The following SPAG16 variants were observed in gnomAD, a reference collection of about 807,000 sequenced individuals.
SPAG16 encodes sperm associated antigen 16.
Under a neutral mutation model 80.4 loss-of-function variants are expected in SPAG16, and 86 were observed. The observed-to-expected ratio is 1.07, with a 90% CI of 0.90 to 1.28. The LOEUF is 1.28. Ranked by LOEUF, SPAG16 falls within the 50% of genes most tolerant of loss-of-function variation. SPAG16 has a pLI of 0.00. For missense variants in SPAG16, 870 were observed against 765.3 expected (o/e 1.14, Z -1.61); for synonymous variants, 294 against 265.9 (o/e 1.11, Z -1.03).
At chr2:213,929,350 C>A (rs1037448350) in intron 11 of SPAG16, among the ~76,000 whole-genome samples, 20 of 151,990 alleles carry the variant, frequency 1.3e-4, no homozygotes, top group African/African-American at 4.6e-4. Context: ...GCTTTTGTGT[C>A]CACCACTTGG....
intron 15 of SPAG16, among the ~76,000 whole-genome samples, chr2:214,206,868 G>C (rs185547256): frequency 6.6e-6 from 1 of 152,042 alleles, no homozygotes; most frequent in African/African-American, 2.4e-5. Flanking sequence ...GTTTTGATTT[G>C]CATTTTTTGA....
At chr2:214,335,031 G>A (rs773420860) in intron 15 of SPAG16, among the ~76,000 whole-genome samples, 8 of 152,158 alleles carry the variant, frequency 5.3e-5, no homozygotes, top group Non-Finnish European at 1.0e-4. Context: ...AAGAACTGTC[G>A]GGAGTGAGAG....
At chr2:214,220,582 T>C (rs1367476571) in intron 15 of SPAG16, among the ~76,000 whole-genome samples, 1 of 152,128 alleles carries the variant, frequency 6.6e-6, no homozygotes, top group Non-Finnish European at 1.5e-5. Context: ...TGTGTTCTCA[T>C]AACACTTTGT....
chr2:214,037,996 T>A (rs1211547949), intron 13 of SPAG16, among the ~76,000 whole-genome samples: 3 of 151,832 alleles, frequency 2.0e-5, no homozygotes, highest in African/African-American at 7.3e-5. Flanking sequence ...ACTTTGTGAG[T>A]CAAATTGAAA....
intron 5 of SPAG16, among the ~76,000 whole-genome samples, chr2:213,325,641 T>C (rs920205061): frequency 3.2e-4 from 46 of 145,750 alleles, no homozygotes; most frequent in South Asian, 8.5e-4. Flanking sequence ...TGTGTGTGTG[T>C]GTGCATATCT....
intron 10 of SPAG16, among the ~76,000 whole-genome samples, chr2:213,720,814 C>T (rs1574936980): frequency 1.5e-5 from 2 of 134,604 alleles, no homozygotes; most frequent in African/African-American, 2.8e-5. Flanking sequence ...GGCACGATCT[C>T]GGCTCACTGC....
At chr2:214,046,552 A>G (rs940553026) in intron 13 of SPAG16, among the ~76,000 whole-genome samples, 11 of 152,346 alleles carry the variant, frequency 7.2e-5, no homozygotes, top group Non-Finnish European at 1.6e-4. Context: ...TAACATACAC[A>G]AATCAATCAA....
At chr2:213,725,863 A>T (rs1190888380) in intron 10 of SPAG16, among the ~76,000 whole-genome samples, 1 of 152,224 alleles carries the variant, frequency 6.6e-6, no homozygotes. Flanking sequence ...GGGAAGACAT[A>T]GCTGGCTGGG....
At chr2:214,292,732 G>T (rs11894925) in intron 15 of SPAG16, among the ~76,000 whole-genome samples, 2 of 152,116 alleles carry the variant, frequency 1.3e-5, no homozygotes, top group African/African-American at 4.8e-5. Context: ...GATGCTTCCT[G>T]TATCCTCACA....
At chr2:213,479,617 T>C (rs1480162028) in intron 9 of SPAG16, among the ~76,000 whole-genome samples, 1 of 152,134 alleles carries the variant, frequency 6.6e-6, no homozygotes, top group Non-Finnish European at 1.5e-5. Flanking sequence ...ACATTGGGCT[T>C]ACATTCCTAC....
At chr2:214,271,882 G>A (rs1212112900) in intron 15 of SPAG16, among the ~76,000 whole-genome samples, 1 of 149,842 alleles carries the variant, frequency 6.7e-6, no homozygotes, top group Non-Finnish European at 1.5e-5. Flanking sequence ...AGGAAGAATA[G>A]CAGGAGTCTG....
chr2:213,602,526 C>T (rs1361946579), intron 10 of SPAG16, among the ~76,000 whole-genome samples: 3 of 151,948 alleles, frequency 2.0e-5, no homozygotes, highest in Non-Finnish European at 2.9e-5. Context: ...CCCAGCTACT[C>T]GGGAGGCTGA....
At chr2:213,888,133 GT>G (rs1276761405) in intron 11 of SPAG16, among the ~76,000 whole-genome samples, 1 of 151,766 alleles carries the variant, frequency 6.6e-6, no homozygotes, top group Non-Finnish European at 1.5e-5. Context: ...ATAGACTTAT[GT>G]TTTCTTATTT....
At position 213,821,099 on chromosome 2, in the gene SPAG16, G is replaced by A. The variant is rs116612783; in HGVS notation, c.1071-41386G>A. On this transcript the variant is annotated intron_variant, in intron 10 of 15. Transcript: ENST00000331683. Reference sequence around the variant, plus strand: ...TCTGCCGGCTATTTTCTTTTCCTCAGTCTGTGAATTCTTGTCTTTTATAGG... The same window carrying A: ...TCTGCCGGCTATTTTCTTTTCCTCAATCTGTGAATTCTTGTCTTTTATAGG... Among the ~76,000 whole-genome samples the A allele has an allele frequency of 8.9e-3, 1,359 of 151,952 alleles. 25 individuals carry two copies. Among genetic ancestry groups the A allele is most frequent in the African/African-American group, 0.03 (1,236 of 41,460 alleles).
chr2:213,782,232 G>A (rs574604738), intron 10 of SPAG16, among the ~76,000 whole-genome samples: 1 of 151,862 alleles, frequency 6.6e-6, no homozygotes, highest in Admixed American at 6.6e-5. Flanking sequence ...GGGATGGAAA[G>A]ATGAAGGGAA....
chr2:213,720,354 G>A (rs532941921), intron 10 of SPAG16, among the ~76,000 whole-genome samples: 69 of 151,836 alleles, frequency 4.5e-4, no homozygotes, highest in Non-Finnish European at 8.0e-4. Flanking sequence ...TAGGCCAGGC[G>A]CAGTGGCTAA....
At chr2:214,334,657 T>C (rs917653507) in intron 15 of SPAG16, among the ~76,000 whole-genome samples, 2 of 152,340 alleles carry the variant, frequency 1.3e-5, no homozygotes, top group East Asian at 3.9e-4. Flanking sequence ...AATCCAGCAA[T>C]AGCCATGAGG....
intron 13 of SPAG16, among the ~76,000 whole-genome samples, chr2:214,042,500 C>T (rs981117747): frequency 6.6e-5 from 10 of 152,040 alleles, no homozygotes; most frequent in African/African-American, 2.4e-4. Context: ...ATGTTTGAGG[C>T]TTCATATTCT....
chr2:213,698,173 C>T (rs1327842601), intron 10 of SPAG16, among the ~76,000 whole-genome samples: 3 of 152,132 alleles, frequency 2.0e-5, no homozygotes, highest in Admixed American at 2.0e-4. Context: ...CATATTTGCT[C>T]TCTGACCGTT....
Sources: gnomAD v4.1 joint callset for allele counts (sites outside exome capture counted in the v4.1 genomes callset) on GRCh38, gnomAD v4.1.1 for gene constraint, MANE v1.5 for transcripts, NCBI Gene and HGNC (gene_info 2026-07-23, HGNC 2026-07-21) for gene names.